ENTPD7: variants seen among roughly 807,000 people sequenced by gnomAD.
ENTPD7 encodes NTPDase 7.
In ENTPD7, 53 loss-of-function variants were observed where a neutral mutation model predicts 77.9. The observed-to-expected ratio is 0.68, with a 90% CI of 0.55 to 0.85. ENTPD7 has a LOEUF of 0.85. Among genes scored for constraint, ENTPD7 ranks in the 40% least tolerant of loss-of-function variants. The pLI is 0.00. For missense variants in ENTPD7, 636 were observed against 743.7 expected, an observed-to-expected ratio of 0.86 and a Z score of 1.68; for synonymous variants, 248 against 274.9, an observed-to-expected ratio of 0.90 and a Z score of 0.97.
chr10:99,667,929 C>CTTTTTTTTTTTTTTTTTTT (rs61543336), intron 3 of ENTPD7, among the ~76,000 whole-genome samples: 1 of 85,546 alleles, frequency 1.2e-5, no homozygotes, highest in Admixed American at 1.7e-4. Flanking sequence ...AAATGATAAT[C>CTTTTTTTTTTTTTTTTTTT]TTTTTTTTTT....
intron 5 of ENTPD7, among the ~76,000 whole-genome samples, chr10:99,682,009 TTACTG>T (rs537817657): frequency 1.3e-3 from 201 of 152,354 alleles, no homozygotes; most frequent in African/African-American, 4.3e-3. Context: ...ATTTTTTCCT[TTACTG>T]TACAGAAATT....
rs759616245 is a variant in ENTPD7 at position 99,659,918 on chromosome 10, AAAG to A, written c.-35_-33del. 1.9e-5 allele frequency: 31 copies of A among 1,613,832 alleles called. No homozygotes were observed. The highest frequency in any genetic ancestry group is 9.9e-5 in the South Asian group (9 of 91,078). Reference sequence around the variant, plus strand: ...AGGCCACCTTCTCAGGGCAAAAGAAAAAGAAGGTGACAGGCGTTGAGACCACCG... The same window carrying A: ...AGGCCACCTTCTCAGGGCAAAAGAAAAAGGTGACAGGCGTTGAGACCACCG... On this transcript the variant is annotated 5_prime_UTR_variant, in exon 2 of 13. Coordinates refer to ENST00000370489, the MANE Select transcript of ENTPD7 (RefSeq NM_020354.5). The surrounding 1 kb of genome is among the most constrained non-coding windows in gnomAD (Gnocchi z 4.1).
chr10:99,661,789 T>C (rs916624355), intron 3 of ENTPD7, among the ~76,000 whole-genome samples, 161 bp downstream of exon 3: 2 of 152,244 alleles, frequency 1.3e-5, no homozygotes, highest in African/African-American at 4.8e-5. Flanking sequence ...TTTGGCAATA[T>C]GCAGTTTGGT....
chr10:99,711,187 A>G lies in ENTPD7; in HGVS notation c.*6504A>G. Reference sequence around the variant, plus strand: ...TAAATGCAACCAGTTGTTTTTCCAAATGTACTCATCATCTGTAATAAAAGA... The same window carrying G: ...TAAATGCAACCAGTTGTTTTTCCAAGTGTACTCATCATCTGTAATAAAAGA... On this transcript the variant is annotated 3_prime_UTR_variant, in exon 13 of 13. Transcript: ENST00000370489. The G allele has an allele frequency of 1.0e-6, 1 of 985,418 alleles. No individual in the cohort carries two copies. Among genetic ancestry groups the G allele is most frequent in the Non-Finnish European group, 1.2e-6 (1 of 829,890 alleles). The allele number at this position is 985,418 out of a possible 1,614,324, so 61.0% of individuals were successfully genotyped here.
rs1007415676 is a variant in ENTPD7, at chr10:99,710,638, T to C, written c.*5955T>C. 9.1e-6 allele frequency: 9 copies of C among 985,282 alleles called. No homozygotes were observed. The highest frequency in any genetic ancestry group is 5.2e-4 in the Middle Eastern group (1 of 1,936). The allele number at this position is 985,282 out of a possible 1,614,324, so 61.0% of individuals were successfully genotyped here. A position where few individuals can be genotyped will look rare whatever the true frequency, so the allele number is the denominator to read the frequency against. On this transcript the variant is annotated 3_prime_UTR_variant, in exon 13 of 13. Transcript: ENST00000370489. ...TGCATGTTAGAGAGGTGATGCATTCTCCCTTATGCAGGGACATGGGTATAT... is the reference window on the plus strand; with the variant it reads ...TGCATGTTAGAGAGGTGATGCATTCCCCCTTATGCAGGGACATGGGTATAT...
intron 3 of ENTPD7, among the ~76,000 whole-genome samples, chr10:99,671,410 G>GT (rs576267281): frequency 3.3e-5 from 5 of 150,604 alleles, no homozygotes; most frequent in South Asian, 2.2e-4. Context: ...AAAACTTAAA[G>GT]TTTTTTTTCC....
chr10:99,668,151 T>C (rs1425527684), intron 3 of ENTPD7, among the ~76,000 whole-genome samples: 1 of 152,056 alleles, frequency 6.6e-6, no homozygotes, highest in African/African-American at 2.4e-5. Context: ...GCCAAGCTGG[T>C]CTCAAACTCC....
rs942765770 is a variant in ENTPD7, at chr10:99,659,775, T to C, written c.-95-87T>C. The C allele has an allele frequency of 8.0e-6, 6 of 750,400 alleles. No individual in the cohort carries two copies. The African/African-American group carries it at 1.1e-4, about 13-fold the overall frequency. 46.5% of individuals were successfully genotyped at this position (750,400 alleles called of 1,614,324 possible). A position where few individuals can be genotyped will look rare whatever the true frequency, so the allele number is the denominator to read the frequency against. Reference sequence around the variant, plus strand: ...AACCAGAGCAGACGGAGCGGGAGCCTGGGGAGGAGGTGGGAGCCGTGGAAT... The same window carrying C: ...AACCAGAGCAGACGGAGCGGGAGCCCGGGGAGGAGGTGGGAGCCGTGGAAT... On this transcript the variant is annotated intron_variant, in intron 1 of 12. Transcript: ENST00000370489. The surrounding 1 kb of genome is among the most constrained non-coding windows in gnomAD (Gnocchi z 4.1).
chr10:99,660,609 T>C (rs1346360023), intron 2 of ENTPD7: 5 of 233,942 alleles, frequency 2.1e-5, no homozygotes, highest in Non-Finnish European at 4.5e-5. Context: ...TGCTTGTGTA[T>C]CCGTAGAATA....
intron 9 of ENTPD7, chr10:99,697,749 C>A: frequency 6.1e-6 from 1 of 163,260 alleles, no homozygotes; most frequent in Admixed American, 6.1e-5. Flanking sequence ...CCTGTGGGCG[C>A]ATCCTCATTC....
chr10:99,663,871 G>A (rs1372425437), intron 3 of ENTPD7, among the ~76,000 whole-genome samples: 1 of 151,994 alleles, frequency 6.6e-6, no homozygotes, highest in African/African-American at 2.4e-5. Context: ...TGTTGTTGTT[G>A]TTCTCCCCTG....
chr10:99,694,782 C>T (rs866643924), intron 8 of ENTPD7, among the ~76,000 whole-genome samples: 1 of 152,146 alleles, frequency 6.6e-6, no homozygotes, highest in Non-Finnish European at 1.5e-5. Flanking sequence ...AGTGATCCAC[C>T]CTCCTTGGCC....
rs2036270211 is a variant in ENTPD7, at chr10:99,707,168, G to A, written c.*2485G>A. Among the ~76,000 whole-genome samples the A allele has an allele frequency of 6.6e-6, 1 of 151,986 alleles. No homozygotes were observed. Among genetic ancestry groups the A allele is most frequent in the South Asian group, 2.1e-4 (1 of 4,824 alleles). ...TATTTCTTATTCTTATTTTGTCTTGGAGTGTTTAATGTGTTATTTCCTGTT... is the reference window on the plus strand; with the variant it reads ...TATTTCTTATTCTTATTTTGTCTTGAAGTGTTTAATGTGTTATTTCCTGTT... On this transcript the variant is annotated 3_prime_UTR_variant, in exon 13 of 13. Transcript: ENST00000370489.
chr10:99,698,821 G>A lies in ENTPD7; in HGVS notation c.1298G>A (p.Gly433Asp). 1 of 1,609,694 alleles carries A rather than the reference G, an allele frequency of 6.2e-7. No individual in the cohort carries two copies. The highest frequency in any genetic ancestry group is 8.5e-7 in the Non-Finnish European group (1 of 1,176,968). Residue 433 changes from glycine (G) to aspartate (D), a missense_variant, in exon 10 of 13, where the codon GGC becomes GAC. Gly to Asp is a moderately conservative substitution (Grantham distance 94, BLOSUM62 -1). Around this residue, in one of 3 missense-constraint regions of ENTPD7, gnomAD observed 486 missense variants for 556.5 expected, o/e 0.87. Coordinates refer to ENST00000370489, the MANE Select transcript of ENTPD7 (RefSeq NM_020354.5). ...YCTEDVLRIGGRYHGPTFAKA... is the reference protein window; with the variant it reads ...YCTEDVLRIGDRYHGPTFAKA... ...ACAGAGGATGTGTTGCGCATTGGTG[G>A]CCGCTACCATGGGCCAACATTTGCC...
rs74152721 is a variant in ENTPD7, at chr10:99,700,090, G to A, written c.1336-883G>A. Among the ~76,000 whole-genome samples the A allele has an allele frequency of 1.6e-3, 236 of 152,066 alleles. 1 individual carries two copies. The highest frequency in any genetic ancestry group is 5.3e-3 in the African/African-American group (221 of 41,462). On this transcript the variant is annotated intron_variant, in intron 10 of 12. Coordinates refer to ENST00000370489, the MANE Select transcript of ENTPD7 (RefSeq NM_020354.5). Reference sequence around the variant, plus strand: ...CTCCAGCCTCCAGGACGACCTTCACGCTCCCTGTTTTTCTGGAGCCCAGAG... The same window carrying A: ...CTCCAGCCTCCAGGACGACCTTCACACTCCCTGTTTTTCTGGAGCCCAGAG...
chr10:99,691,481 A>C lies in ENTPD7; in HGVS notation c.806A>C (p.Glu269Ala), dbSNP rs369321164. The C allele has an allele frequency of 1.5e-5, 24 of 1,613,954 alleles. No homozygotes were observed. In the Admixed American group the frequency reaches 2.0e-4, roughly 13 times the overall value. Residue 269 changes from glutamate to alanine, a missense_variant, in exon 8 of 13, where the codon GAA becomes GCA. Glu to Ala is a moderately radical substitution (Grantham distance 107). Coordinates refer to ENST00000370489, the MANE Select transcript of ENTPD7 (RefSeq NM_020354.5). ...MGGASLQIAY[E>A]VPTSTSVLPA... ...GGAGCCTCTCTCCAAATTGCTTATG[A>C]AGTTCCTACCTCAACCTCTGTCCTT...
rs755855339 is a variant in ENTPD7, at chr10:99,660,390, A to G, written c.8+426A>G. The G allele has an allele frequency of 2.2e-5, 26 of 1,168,080 alleles. No individual in the cohort carries two copies. The Admixed American group carries it at 3.0e-4, about 14-fold the overall frequency. 72.4% of individuals were successfully genotyped at this position (1,168,080 alleles called of 1,614,324 possible). A position where few individuals can be genotyped will look rare whatever the true frequency, so the allele number is the denominator to read the frequency against. Reference sequence around the variant, plus strand: ...AATACACTTATCCATACATTATAATAACCTGAAGCTTTTAAAAAATATTAA... The same window carrying G: ...AATACACTTATCCATACATTATAATGACCTGAAGCTTTTAAAAAATATTAA... On this transcript the variant is annotated intron_variant, in intron 2 of 12. Transcript: ENST00000370489.
chr10:99,703,635 T>C (rs2036187727), intron 12 of ENTPD7, among the ~76,000 whole-genome samples: 1 of 152,230 alleles, frequency 6.6e-6, no homozygotes, highest in Non-Finnish European at 1.5e-5. Flanking sequence ...TATCGCCTTA[T>C]TTTTATCTGA....
chr10:99,661,364 G>A (rs1261151402), intron 2 of ENTPD7, 82 bp from the exon 3 acceptor site: 2 of 1,262,098 alleles, frequency 1.6e-6, no homozygotes, highest in Non-Finnish European at 2.2e-6. Context: ...TTTATTAGGA[G>A]GGTTTTATCC....
Sources: allele counts gnomAD v4.1 joint callset (sites outside exome capture counted in the v4.1 genomes callset), GRCh38; gene constraint gnomAD v4.1.1; regional missense constraint gnomAD v4.1.1; non-coding constraint Gnocchi (gnomAD v3.1); transcripts MANE v1.5; gene names NCBI Gene and HGNC (gene_info 2026-07-23, HGNC 2026-07-21).